VPS8: variants seen among roughly 807,000 people sequenced by gnomAD.
The protein encoded by VPS8 is VPS8 subunit of CORVET complex.
In VPS8, 129 loss-of-function variants were observed where a neutral mutation model predicts 216.4. That is an observed-to-expected ratio of 0.60 (90% CI 0.52 to 0.69). The LOEUF (loss-of-function observed/expected upper bound fraction) is 0.69. VPS8 is among the 30% of genes least tolerant of loss of function. The probability of loss-of-function intolerance (pLI) is 0.00; values close to 1 mark genes in which losing one functional copy is unlikely to be tolerated. For missense variants in VPS8, 1,531 were observed against 1,683.5 expected, an observed-to-expected ratio of 0.91 and a Z score of 1.59; for synonymous variants, 571 against 565.4, an observed-to-expected ratio of 1.01 and a Z score of -0.14.
Position 184,833,380 on chromosome 3 carries a change from C to CT in VPS8, c.353+564dup, listed in dbSNP as rs572107957. Reference sequence around the variant, plus strand: ...AATACATTATTGAATTCACGTGTAACTTTAATATTGATAAAGTGATCTGTT... The same window carrying CT: ...AATACATTATTGAATTCACGTGTAACTTTTAATATTGATAAAGTGATCTGTT... On this transcript the variant is annotated intron_variant, in intron 4 of 47. Coordinates refer to ENST00000625842, the MANE Select transcript of VPS8 (RefSeq NM_001009921.3). Among the ~76,000 whole-genome samples the CT allele has an allele frequency of 7.9e-5, 12 of 152,282 alleles. No individual in the cohort carries two copies. The South Asian group carries it at 2.5e-3, about 32-fold the overall frequency.
At chr3:184,834,366 G>A (rs879425065) in intron 4 of VPS8, among the ~76,000 whole-genome samples, 2 of 152,132 alleles carry the variant, frequency 1.3e-5, no homozygotes, top group South Asian at 4.1e-4. Flanking sequence ...TGTTAGATCC[G>A]TCATACCTCT....
intron 42 of VPS8, among the ~76,000 whole-genome samples, chr3:184,992,947 T>C (rs1482782096): frequency 2.0e-5 from 3 of 152,028 alleles, no homozygotes; most frequent in Non-Finnish European, 2.9e-5. Flanking sequence ...GAGATTCCAA[T>C]TGAGATTTGC....
At chr3:184,860,391 A>ACG (rs1726082640) in intron 15 of VPS8, among the ~76,000 whole-genome samples, 1 of 151,272 alleles carries the variant, frequency 6.6e-6, no homozygotes, top group Admixed American at 6.6e-5. Context: ...ATACGTATAT[A>ACG]TATGTATGTA....
At chr3:184,828,791 A>G (rs1250578217) in intron 3 of VPS8, among the ~76,000 whole-genome samples, 1 of 152,222 alleles carries the variant, frequency 6.6e-6, no homozygotes, top group African/African-American at 2.4e-5. Context: ...TCATAAGTGT[A>G]CAGTGTGGTG....
chr3:184,984,295 CTTT>C (rs67712263), intron 42 of VPS8, among the ~76,000 whole-genome samples: 26 of 109,240 alleles, frequency 2.4e-4, no homozygotes, highest in Admixed American at 4.6e-4. Context: ...ATTTAGAATA[CTTT>C]TTTTTTTTTT....
At chr3:184,873,014 C>T (rs1048466917) in intron 21 of VPS8, among the ~76,000 whole-genome samples, 2 of 152,094 alleles carry the variant, frequency 1.3e-5, no homozygotes, top group African/African-American at 4.8e-5. Flanking sequence ...ATGATATGGT[C>T]CAGACTGTGC....
chr3:184,859,141 C>G (rs1033038009), intron 14 of VPS8, among the ~76,000 whole-genome samples: 2 of 152,166 alleles, frequency 1.3e-5, no homozygotes, highest in African/African-American at 4.8e-5. Flanking sequence ...TGATCTCTTT[C>G]AATTAGGGCA....
At chr3:185,019,671 C>T (rs1215789963) in intron 45 of VPS8, among the ~76,000 whole-genome samples, 3 of 152,190 alleles carry the variant, frequency 2.0e-5, no homozygotes, top group African/African-American at 7.2e-5. Context: ...GTGTTCCTTG[C>T]CCTCATTCTG....
intron 25 of VPS8, among the ~76,000 whole-genome samples, chr3:184,910,122 TCTC>T (rs1736208726): frequency 6.8e-6 from 1 of 146,124 alleles, no homozygotes; most frequent in East Asian, 2.0e-4. Context: ...TTTGCAAGAT[TCTC>T]CTATTTTTTT....
intron 7 of VPS8, among the ~76,000 whole-genome samples, chr3:184,842,207 A>AAAAAAAAAAAAAAAAAAAAAAAAAAAAAC: frequency 6.7e-6 from 1 of 150,050 alleles, no homozygotes; most frequent in Non-Finnish European, 1.5e-5. Flanking sequence ...AAAAAAAAAA[A>AAAAAAAAAAAAAAAAAAAAAAAAAAAAAC]AAGAATATGT....
chr3:184,986,593 A>G (rs937479010), intron 42 of VPS8, among the ~76,000 whole-genome samples: 1 of 152,126 alleles, frequency 6.6e-6, no homozygotes, highest in African/African-American at 2.4e-5. Flanking sequence ...ACAGAGGTTC[A>G]TTTTCTTGAG....
intron 45 of VPS8, among the ~76,000 whole-genome samples, chr3:185,001,684 C>T (rs938912469): frequency 2.6e-5 from 4 of 152,182 alleles, no homozygotes; most frequent in Non-Finnish European, 4.4e-5. Flanking sequence ...CCCCTCTGCA[C>T]AGGTTGGGAG....
At chr3:184,952,276 T>G (rs1009267640) in intron 36 of VPS8, among the ~76,000 whole-genome samples, 1 of 152,202 alleles carries the variant, frequency 6.6e-6, no homozygotes, top group Non-Finnish European at 1.5e-5. Flanking sequence ...TAAACCAGTC[T>G]GCATTGGTGA....
At chr3:184,853,783 A>G (rs1724738906) in intron 11 of VPS8, 74 bp from the exon 12 acceptor site, 4 of 1,489,454 alleles carry the variant, frequency 2.7e-6, no homozygotes, top group Non-Finnish European at 3.6e-6. Context: ...AGGCTATGAA[A>G]GTAGTCCAGG....
At chr3:184,927,683 C>G (rs1578283357) in intron 31 of VPS8, among the ~76,000 whole-genome samples, 1 of 152,174 alleles carries the variant, frequency 6.6e-6, no homozygotes, top group Non-Finnish European at 1.5e-5. Context: ...CCCCAGAACT[C>G]TTTTATCTTC....
rs71318384 is a variant in VPS8, at chr3:184,913,126, G to A, written c.2147-393G>A. On this transcript the variant is annotated intron_variant, in intron 25 of 47. Coordinates refer to ENST00000625842, the MANE Select transcript of VPS8 (RefSeq NM_001009921.3). ...AATGGCCTTTTCAGCCCTAGAGCAC[G>A]GTAGGTGGTAAAAGTCCATATTACA... 3.6e-3 allele frequency among the ~76,000 whole-genome samples: 542 copies of A among 152,290 alleles called. 1 individual carries two copies. The highest frequency in any genetic ancestry group is 6.5e-3 in the Non-Finnish European group (444 of 68,026).
chr3:184,847,717 C>T (rs1169135898), intron 8 of VPS8, among the ~76,000 whole-genome samples: 1 of 152,074 alleles, frequency 6.6e-6, no homozygotes, highest in Non-Finnish European at 1.5e-5. Flanking sequence ...TAATAATGAA[C>T]TCTAGACAAA....
chr3:184,839,542 A>G lies in VPS8; in HGVS notation c.481-156A>G, dbSNP rs145221415. Reference sequence around the variant, plus strand: ...TCAGAAATAAAATGTCCTGAGTTTCATTTCCCGTTTTGCCTCCTGGATGAA... The same window carrying G: ...TCAGAAATAAAATGTCCTGAGTTTCGTTTCCCGTTTTGCCTCCTGGATGAA... On this transcript the variant is annotated intron_variant, in intron 6 of 47. Coordinates refer to ENST00000625842, the MANE Select transcript of VPS8 (RefSeq NM_001009921.3). 336 of 655,262 alleles carry G rather than the reference A, an allele frequency of 5.1e-4. No homozygotes were observed. In the African/African-American group the frequency reaches 5.5e-3, roughly 11 times the overall value. 40.6% of individuals were successfully genotyped at this position (655,262 alleles called of 1,614,324 possible). A position where few individuals can be genotyped will look rare whatever the true frequency, so the allele number is the denominator to read the frequency against.
intron 19 of VPS8, 119 bp from the exon 20 acceptor site, chr3:184,869,363 A>G: frequency 9.5e-7 from 1 of 1,053,166 alleles, no homozygotes; most frequent in Non-Finnish European, 1.4e-6. Context: ...TTTGATAGCT[A>G]AGAATTGTTA....
Sources: allele counts gnomAD v4.1 joint callset (sites outside exome capture counted in the v4.1 genomes callset), GRCh38; gene constraint gnomAD v4.1.1; transcripts MANE v1.5; gene names NCBI Gene and HGNC (gene_info 2026-07-23, HGNC 2026-07-21).